Variants in RIPK4 observed in about 807,000 individuals in gnomAD.
The protein encoded by RIPK4 is receptor-interacting serine/threonine-protein kinase 4.
In RIPK4, 17 loss-of-function variants were observed where a neutral mutation model predicts 42.9. That is an observed-to-expected ratio of 0.40 (90% CI 0.27 to 0.59). The LOEUF (loss-of-function observed/expected upper bound fraction) is 0.59, where lower values mean the gene tolerates loss of function less well. RIPK4 is among the 20% of genes least tolerant of loss of function. RIPK4 has a pLI of 0.47. For missense variants in RIPK4, 897 were observed against 1,104.4 expected, an observed-to-expected ratio of 0.81 and a Z score of 2.66; for synonymous variants, 498 against 499.1, an observed-to-expected ratio of 1.00 and a Z score of 0.03.
Position 41,741,710 on chromosome 21 carries a change from T to C in RIPK4, c.1483A>G (p.Ile495Val). ...GVVELLLARK[I>V]SVNAKDEDQW... is the part of the protein sequence containing the mutation. Reference sequence around the variant, plus strand: ...TCCTCATCCTTGGCGTTGACACTGATCTTCCGCGCCAGCAGGAGCTCCACG... The same window carrying C: ...TCCTCATCCTTGGCGTTGACACTGACCTTCCGCGCCAGCAGGAGCTCCACG... The change falls in exon 8 of 8, where the codon ATC becomes GTC. Residue 495 changes from isoleucine (I) to valine (V), a missense_variant. By Grantham distance (29) the Ile-to-Val change is conservative. Transcript: ENST00000332512. The C allele has an allele frequency of 6.2e-7, 1 of 1,613,552 alleles. No homozygotes were observed. The highest frequency in any genetic ancestry group is 8.5e-7 in the Non-Finnish European group (1 of 1,180,002).
rs1601675088 is a variant in RIPK4, at chr21:41,743,956, A to G, written c.1121T>C (p.Val374Ala). The G allele has an allele frequency of 6.2e-7, 1 of 1,613,202 alleles. No individual in the cohort carries two copies. Among genetic ancestry groups the G allele is most frequent in the Non-Finnish European group, 8.5e-7 (1 of 1,179,954 alleles). Reference protein sequence around the residue: ...SSGSGKRLSGVSSVDSAFSSR... With the variant: ...SSGSGKRLSGASSVDSAFSSR... ...AGAGAAGGCGGAGTCCACCGAGGAC[A>G]CCCCCGAGAGCCTCTTCCCACTGCC... The change falls in exon 7 of 8, where the codon GTG (valine) becomes GCG (alanine). Residue 374 changes from valine (V) to alanine (A), a missense_variant. Coordinates refer to ENST00000332512, the MANE Select transcript of RIPK4 (RefSeq NM_020639.3).
intron 1 of RIPK4, among the ~76,000 whole-genome samples, chr21:41,762,051 G>A (rs2061221964): frequency 6.6e-6 from 1 of 152,252 alleles, no homozygotes; most frequent in Non-Finnish European, 1.5e-5. Flanking sequence ...GCTCCTGAAA[G>A]CGGATCCCGG....
intron 1 of RIPK4, among the ~76,000 whole-genome samples, chr21:41,766,446 C>A (rs2061236825): frequency 6.6e-6 from 1 of 152,256 alleles, no homozygotes. Context: ...CCCGGTGGGT[C>A]CCGGGCGGGC....
chr21:41,762,086 C>T (rs1290384152), intron 1 of RIPK4, among the ~76,000 whole-genome samples: 2 of 152,202 alleles, frequency 1.3e-5, no homozygotes, highest in Admixed American at 6.5e-5. Flanking sequence ...CGGAGTCCAC[C>T]CCAGCTTTGC....
rs1377148211 is a variant in RIPK4 at position 41,751,779 on chromosome 21, T to C, written c.475-534A>G. Among the ~76,000 whole-genome samples, 1 of 152,192 alleles carries C rather than the reference T, an allele frequency of 6.6e-6. No individual in the cohort carries two copies. The highest frequency in any genetic ancestry group is 2.4e-5 in the African/African-American group (1 of 41,436). On this transcript the variant is annotated intron_variant, in intron 2 of 7. Transcript: ENST00000332512. This position sits in a 1 kb window ranked among gnomAD's most constrained non-coding sequence, Gnocchi z 4.5. ...ACACCTTCAGAAGCCCTTTAAACTTTAAAGCAAACAAAACACACGCCTCAG... is the reference window on the plus strand; with the variant it reads ...ACACCTTCAGAAGCCCTTTAAACTTCAAAGCAAACAAAACACACGCCTCAG...
intron 1 of RIPK4, among the ~76,000 whole-genome samples, chr21:41,757,520 T>G (rs1601682878): frequency 8.7e-6 from 1 of 115,074 alleles, no homozygotes; most frequent in East Asian, 2.6e-4. Context: ...AAACTCCATC[T>G]CAAAAAAAAA....
At chr21:41,748,202 G>C (rs71318590) in intron 4 of RIPK4, among the ~76,000 whole-genome samples, 2,886 of 152,314 alleles carry the variant, frequency 0.019, 45 homozygotes, top group South Asian at 0.06. Flanking sequence ...TTTTAAAGCT[G>C]CCAAGATACT....
In RIPK4 at chr21:41,755,267, T is replaced by A. The variant is rs1450145705; in HGVS notation, c.474+1258A>T. On this transcript the variant is annotated intron_variant, in intron 2 of 7. Transcript: ENST00000332512. The surrounding 1 kb of genome is among the most constrained non-coding windows in gnomAD (Gnocchi z 4.2). Reference sequence around the variant, plus strand: ...CCATTATCTCAATTTCCTACTTCACTTCGCAGGACGGTGCTTCATCTTCTA... The same window carrying A: ...CCATTATCTCAATTTCCTACTTCACATCGCAGGACGGTGCTTCATCTTCTA... Among the ~76,000 whole-genome samples, 1 of 152,188 alleles carries A rather than the reference T, an allele frequency of 6.6e-6. No individual in the cohort carries two copies. The highest frequency in any genetic ancestry group is 2.4e-5 in the African/African-American group (1 of 41,446).
intron 1 of RIPK4, among the ~76,000 whole-genome samples, chr21:41,766,489 C>A (rs536422720): frequency 6.6e-6 from 1 of 152,152 alleles, no homozygotes; most frequent in African/African-American, 2.4e-5. Flanking sequence ...GGGTCCGAGG[C>A]GCAAGGCGAG....
intron 1 of RIPK4, among the ~76,000 whole-genome samples, chr21:41,758,037 TATATAGAGAG>T (rs1212508252): frequency 1.1e-4 from 11 of 95,720 alleles, no homozygotes; most frequent in African/African-American, 2.9e-4. Flanking sequence ...TATATATATA[TATATAGAGAG>T]AGAGAGAGAG....
chr21:41,744,955 G>A (rs1314432229), intron 6 of RIPK4, among the ~76,000 whole-genome samples: 2 of 152,194 alleles, frequency 1.3e-5, no homozygotes, highest in African/African-American at 4.8e-5. Context: ...TCTTCCCTTA[G>A]GCACACCTGT....
intron 5 of RIPK4, among the ~76,000 whole-genome samples, 185 bp downstream of exon 5, chr21:41,746,428 C>T (rs534573709): frequency 1.7e-4 from 26 of 152,266 alleles, no homozygotes; most frequent in African/African-American, 6.3e-4. Flanking sequence ...CTGCCGTGGC[C>T]GAGCCGTGAG....
Position 41,742,475 on chromosome 21 carries a change from G to C in RIPK4, c.1196-478C>G, listed in dbSNP as rs931889182. On this transcript the variant is annotated intron_variant, in intron 7 of 7. Transcript: ENST00000332512. This position sits in a 1 kb window ranked among gnomAD's most constrained non-coding sequence, Gnocchi z 5.1. ...GCTGCTCCAGCTCTTGCCCCACCTC[G>C]AAGTGGCACCTCCTGACCTGGGGAG... is the stretch of plus-strand genomic sequence containing the variant. 6.6e-6 allele frequency among the ~76,000 whole-genome samples: 1 copy of C among 152,204 alleles called. No homozygotes were observed. The highest frequency in any genetic ancestry group is 2.1e-4 in the South Asian group (1 of 4,822).
At chr21:41,763,787 C>A (rs553236087) in intron 1 of RIPK4, among the ~76,000 whole-genome samples, 12 of 152,330 alleles carry the variant, frequency 7.9e-5, no homozygotes, top group African/African-American at 2.9e-4. Context: ...CAGGCTCGCC[C>A]CGACCAGCCA....
intron 3 of RIPK4, among the ~76,000 whole-genome samples, chr21:41,749,785 GC>G (rs1209868690): frequency 1.3e-5 from 2 of 150,704 alleles, no homozygotes; most frequent in Non-Finnish European, 2.9e-5. Context: ...ACAGCTGAAC[GC>G]CCCAAAGCCT....
In RIPK4 at chr21:41,745,878, G is replaced by A. The variant is rs778785773; in HGVS notation, c.833-16C>T. On this transcript the variant is annotated splice_polypyrimidine_tract_variant and intron_variant, in intron 5 of 7. Coordinates refer to ENST00000332512, the MANE Select transcript of RIPK4 (RefSeq NM_020639.3). Reference sequence around the variant, plus strand: ...GAAGTAATTTCTTGTGGGGAAGAAAGGGGACATGTCACTCGGATGATGACT... The same window carrying A: ...GAAGTAATTTCTTGTGGGGAAGAAAAGGGACATGTCACTCGGATGATGACT... 3.2e-6 allele frequency: 5 copies of A among 1,585,218 alleles called. No individual in the cohort carries two copies. The South Asian group carries it at 4.4e-5, about 14-fold the overall frequency.
At chr21:41,759,773 G>C (rs370036633) in intron 1 of RIPK4, among the ~76,000 whole-genome samples, 1 of 152,248 alleles carries the variant, frequency 6.6e-6, no homozygotes, top group East Asian at 1.9e-4. Flanking sequence ...CCCTGCGAGA[G>C]TTCAGCCCCT....
rs200764815 is a variant in RIPK4, at chr21:41,741,079, G to T, written c.2114C>A (p.Thr705Lys). ...GTGGGCGGCAGCCAGGTGCAGCGCC[G>T]TCTGGTTCAGGGGTCCCCGGGCCAG... ...DVLARGPLNQ[T>K]ALHLAAAHGH... The change falls in exon 8 of 8, where the codon ACG becomes AAG. Residue 705 changes from threonine to lysine, a missense_variant. Transcript: ENST00000332512. 38 of 1,611,556 alleles carry T rather than the reference G, an allele frequency of 2.4e-5. No homozygotes were observed. Among genetic ancestry groups the T allele is most frequent in the Non-Finnish European group, 3.2e-5 (38 of 1,179,758 alleles).
rs2061199978 is a variant in RIPK4 at position 41,755,299 on chromosome 21, A to G, written c.474+1226T>C. 6.6e-6 allele frequency among the ~76,000 whole-genome samples: 1 copy of G among 152,182 alleles called. No homozygotes were observed. Among genetic ancestry groups the G allele is most frequent in the African/African-American group, 2.4e-5 (1 of 41,444 alleles). ...GACGGTGCTTCATCTTCTAGCTGAA[A>G]TCTTATTACTGCGCAACACCTACCT... is the stretch of plus-strand genomic sequence containing the variant. On this transcript the variant is annotated intron_variant, in intron 2 of 7. Transcript: ENST00000332512. This position sits in a 1 kb window ranked among gnomAD's most constrained non-coding sequence, Gnocchi z 4.2.
Sources: allele counts gnomAD v4.1 joint callset (sites outside exome capture counted in the v4.1 genomes callset), GRCh38; gene constraint gnomAD v4.1.1; non-coding constraint Gnocchi (gnomAD v3.1); transcripts MANE v1.5; gene names NCBI Gene and HGNC (gene_info 2026-07-23, HGNC 2026-07-21).